The following ACTN1 variants were observed in gnomAD, a reference collection of about 807,000 sequenced individuals.
The protein encoded by ACTN1 is actinin alpha 1, also known as alpha-actinin-1.
Under a neutral mutation model 119.6 loss-of-function variants are expected in ACTN1, and 30 were observed. The observed-to-expected ratio is 0.25, with a 90% CI of 0.19 to 0.34. The LOEUF (loss-of-function observed/expected upper bound fraction) is 0.34. Ranked by LOEUF, ACTN1 falls within the 10% of genes least tolerant of loss-of-function variation. The pLI is 1.00. For synonymous variants in ACTN1, 429 were observed against 472.6 expected (o/e 0.91, Z 1.20); for missense variants, 764 against 1,223.4 (o/e 0.62, Z 5.60).
intron 1 of ACTN1, among the ~76,000 whole-genome samples, chr14:68,932,925 CAG>C (rs1050387077): frequency 1.3e-5 from 2 of 152,136 alleles, no homozygotes; most frequent in African/African-American, 4.8e-5. Context: ...ACATATGCCA[CAG>C]ATCGTAATAA....
intron 8 of ACTN1, among the ~76,000 whole-genome samples, chr14:68,901,187 C>A (rs2033286325): frequency 8.4e-6 from 1 of 119,558 alleles, no homozygotes; most frequent in African/African-American, 4.4e-5. Flanking sequence ...TCCCATCATG[C>A]ATTTTTTTTT....
intron 1 of ACTN1, among the ~76,000 whole-genome samples, chr14:68,951,467 C>T (rs887115002): frequency 6.6e-6 from 1 of 152,166 alleles, no homozygotes; most frequent in African/African-American, 2.4e-5. Context: ...TCTTTCTAAC[C>T]TCAACTCCCA....
chr14:68,904,529 C>T (rs2033546774), intron 7 of ACTN1, 126 bp downstream of exon 7: 1 of 742,598 alleles, frequency 1.3e-6, no homozygotes, highest in Admixed American at 2.3e-5. Flanking sequence ...CCATGCTCCT[C>T]AAATGCGGTC....
intron 1 of ACTN1, among the ~76,000 whole-genome samples, chr14:68,960,393 A>T (rs773898122): frequency 6.6e-6 from 1 of 152,188 alleles, no homozygotes; most frequent in Non-Finnish European, 1.5e-5. Context: ...GAGGTGATGG[A>T]TGTGTTAATT....
chr14:68,947,291 GAGA>G (rs1357196167), intron 1 of ACTN1: 1 of 152,192 alleles, frequency 6.6e-6, no homozygotes, highest in Admixed American at 6.5e-5. Context: ...CCTCTGTGTG[GAGA>G]AGAATGGTTC....
At chr14:68,955,071 C>A (rs2140564974) in intron 1 of ACTN1, among the ~76,000 whole-genome samples, 1 of 152,354 alleles carries the variant, frequency 6.6e-6, no homozygotes, top group South Asian at 2.1e-4. Context: ...TCTGCTCCCC[C>A]ATCATCAGCC....
chr14:68,894,409 G>A (rs1016349013), intron 8 of ACTN1, among the ~76,000 whole-genome samples: 8 of 152,152 alleles, frequency 5.3e-5, no homozygotes, highest in East Asian at 1.9e-4. Flanking sequence ...CACATCATGC[G>A]CTGCGTGCTG....
chr14:68,919,018 C>T (rs1434988860), intron 3 of ACTN1, among the ~76,000 whole-genome samples: 6 of 152,208 alleles, frequency 3.9e-5, no homozygotes. Flanking sequence ...ACGTAAAGCA[C>T]CCTGTCTAGC....
chr14:68,917,942 T>C (rs991706480), intron 3 of ACTN1, among the ~76,000 whole-genome samples: 12 of 152,188 alleles, frequency 7.9e-5, no homozygotes, highest in Admixed American at 2.6e-4. Flanking sequence ...GGCACAAACC[T>C]GTAATCCCAG....
chr14:68,973,247 T>C (rs962242050), intron 1 of ACTN1, among the ~76,000 whole-genome samples: 1 of 152,166 alleles, frequency 6.6e-6, no homozygotes, highest in Non-Finnish European at 1.5e-5. Flanking sequence ...GGGAAACTGA[T>C]AGGGTTTGGC....
At chr14:68,936,469 T>C in intron 1 of ACTN1, 1 of 324,838 alleles carries the variant, frequency 3.1e-6, no homozygotes, top group Non-Finnish European at 5.8e-6. Context: ...TGCTTTTGTT[T>C]GAGTTTTGTA....
rs768821359 is a variant in ACTN1 at position 68,877,138 on chromosome 14, C to T, written c.2530G>A (p.Asp844Asn). ...FIDFMSRETA[D>N]TDTADQVMAS... ...ATGACTTGGTCTGCTGTATCTGTGT[C>T]GGCTGTCTCGCGGGACATGAAGTCA... The change falls in exon 21 of 22, where the codon GAC (aspartate) becomes AAC (asparagine). Residue 844 changes from aspartate to asparagine, a missense_variant. By Grantham distance (23) the Asp-to-Asn change is conservative. This residue lies in a region of ACTN1 where 544 missense variants were observed against 912.0 expected (regional missense o/e 0.60). Transcript: ENST00000394419. 2 of 1,614,158 alleles carry T rather than the reference C, an allele frequency of 1.2e-6. No individual in the cohort carries two copies. The highest frequency in any genetic ancestry group is 2.2e-5 in the East Asian group (1 of 44,890).
At chr14:68,895,054 G>A (rs2063379201) in intron 8 of ACTN1, among the ~76,000 whole-genome samples, 1 of 152,018 alleles carries the variant, frequency 6.6e-6, no homozygotes, top group African/African-American at 2.4e-5. Context: ...GGCAGAATGA[G>A]ATCATCCTAA....
Position 68,979,257 on chromosome 14 carries a change from C to A in ACTN1, c.-201G>T. 1 of 400,946 alleles carries A rather than the reference C, an allele frequency of 2.5e-6. No homozygotes were observed. Among genetic ancestry groups the A allele is most frequent in the South Asian group, 3.9e-5 (1 of 25,552 alleles). The allele number at this position is 400,946 out of a possible 1,614,324, so 24.8% of individuals were successfully genotyped here. ...CGACAGCGGCGGCTGGGCTCGCGGA[C>A]TGCCTGCCTCTGGGCGGGCGCTTGG... On this transcript the variant is annotated 5_prime_UTR_variant, in exon 1 of 22. Coordinates refer to ENST00000394419, the MANE Select transcript of ACTN1 (RefSeq NM_001130004.2).
chr14:68,879,015 C>T lies in ACTN1; in HGVS notation c.2335G>A (p.Gly779Ser). 1.2e-6 allele frequency: 2 copies of T among 1,613,266 alleles called. No individual in the cohort carries two copies. Among genetic ancestry groups the T allele is most frequent in the Non-Finnish European group, 1.7e-6 (2 of 1,179,846 alleles). ...EEFKACLISLGYDIGNDPQKK... is the reference protein window; with the variant it reads ...EEFKACLISLSYDIGNDPQKK... Reference sequence around the variant, plus strand: ...TGGGGGTCGTTGCCAATATCATAACCCAAGCTGATGAGGCAGGCTTTGAAC... The same window carrying T: ...TGGGGGTCGTTGCCAATATCATAACTCAAGCTGATGAGGCAGGCTTTGAAC... Residue 779 changes from glycine to serine, a missense_variant, in exon 19 of 22, where the codon GGT becomes AGT. Around this residue, in one of 4 missense-constraint regions of ACTN1, gnomAD observed 544 missense variants for 912.0 expected, o/e 0.60. Coordinates refer to ENST00000394419, the MANE Select transcript of ACTN1 (RefSeq NM_001130004.2). This position sits in a 1 kb window ranked among gnomAD's most constrained non-coding sequence, Gnocchi z 4.9.
rs142021388 is a variant in ACTN1 at position 68,892,480 on chromosome 14, G to A, written c.856-197C>T. 0.016 allele frequency among the ~76,000 whole-genome samples: 2,366 copies of A among 152,204 alleles called. 60 individuals are homozygous for A. The highest frequency in any genetic ancestry group is 0.017 in the Non-Finnish European group (1,168 of 68,022). Reference sequence around the variant, plus strand: ...GTTCCCTCTGAGAACCACAGGCTTCGTGAAGCCTGGCTACTAGGGTACATC... The same window carrying A: ...GTTCCCTCTGAGAACCACAGGCTTCATGAAGCCTGGCTACTAGGGTACATC... On this transcript the variant is annotated intron_variant, in intron 9 of 21. Coordinates refer to ENST00000394419, the MANE Select transcript of ACTN1 (RefSeq NM_001130004.2).
At chr14:68,890,775 A>G (rs1057030431) in intron 10 of ACTN1, among the ~76,000 whole-genome samples, 2 of 152,224 alleles carry the variant, frequency 1.3e-5, no homozygotes, top group Non-Finnish European at 2.9e-5. Flanking sequence ...GAGCCTACAG[A>G]GACCCCGGCC....
chr14:68,978,255 C>G (rs1180584837), intron 1 of ACTN1: 1 of 455,632 alleles, frequency 2.2e-6, no homozygotes, highest in South Asian at 1.6e-5. Flanking sequence ...TAGCGCAAGC[C>G]CATGTCGGGG....
At chr14:68,976,228 G>A (rs372026527) in intron 1 of ACTN1, among the ~76,000 whole-genome samples, 2 of 152,170 alleles carry the variant, frequency 1.3e-5, no homozygotes, top group South Asian at 2.1e-4. Flanking sequence ...GCCTTCTACC[G>A]GGTGACCTTT....
Sources: allele counts gnomAD v4.1 joint callset (sites outside exome capture counted in the v4.1 genomes callset), GRCh38; gene constraint gnomAD v4.1.1; regional missense constraint gnomAD v4.1.1; non-coding constraint Gnocchi (gnomAD v3.1); transcripts MANE v1.5; gene names NCBI Gene and HGNC (gene_info 2026-07-23, HGNC 2026-07-21).